The following CCDC102B variants were observed in gnomAD, a reference collection of about 807,000 sequenced individuals.
The protein encoded by CCDC102B is coiled-coil domain-containing protein 102B.
In CCDC102B, 75 loss-of-function variants were observed where a neutral mutation model predicts 57.4. The observed-to-expected ratio is 1.31, with a 90% CI of 1.08 to 1.58. The LOEUF (loss-of-function observed/expected upper bound fraction) is 1.58, where lower values mean the gene tolerates loss of function less well. Among genes scored for constraint, CCDC102B ranks in the 40% most tolerant of loss-of-function variants. The pLI, the probability that CCDC102B is intolerant of heterozygous loss-of-function variation, is 0.00. For synonymous variants in CCDC102B, 206 were observed against 201.9 expected, an observed-to-expected ratio of 1.02 and a Z score of -0.17; for missense variants, 636 against 582.6, an observed-to-expected ratio of 1.09 and a Z score of -0.94.
At chr18:69,009,924 ATTTTTTTTTT>A (rs770668683) in intron 6 of CCDC102B, among the ~76,000 whole-genome samples, 15 of 33,532 alleles carry the variant, frequency 4.5e-4, no homozygotes, top group South Asian at 3.0e-3. Context: ...TTTAATAAAG[ATTTTTTTTTT>A]TTTTTTTTTT....
chr18:68,730,029 T>A (rs1312620107), intron 2 of CCDC102B, among the ~76,000 whole-genome samples: 1 of 152,166 alleles, frequency 6.6e-6, no homozygotes, highest in Non-Finnish European at 1.5e-5. Flanking sequence ...AAATAAGACC[T>A]CATTGACGTA....
intron 2 of CCDC102B, among the ~76,000 whole-genome samples, chr18:68,787,993 G>A (rs1472659659): frequency 1.3e-5 from 2 of 150,746 alleles, no homozygotes; most frequent in Non-Finnish European, 3.0e-5. Flanking sequence ...TCTACACACT[G>A]CTTTGAATGC....
At chr18:68,933,733 T>C (rs2041755408) in intron 6 of CCDC102B, among the ~76,000 whole-genome samples, 1 of 151,960 alleles carries the variant, frequency 6.6e-6, no homozygotes, top group Admixed American at 6.6e-5. Flanking sequence ...CAGAAGTTTG[T>C]GTGTTGTGAG....
intron 4 of CCDC102B, among the ~76,000 whole-genome samples, chr18:68,857,281 TA>T (rs1322979528): frequency 0.07 from 752 of 10,746 alleles, 110 homozygotes; most frequent in African/African-American, 0.098. Context: ...ATATATAATA[TA>T]TATTTATATA....
chr18:68,863,634 C>T (rs1362967372), intron 4 of CCDC102B, among the ~76,000 whole-genome samples: 2 of 151,742 alleles, frequency 1.3e-5, no homozygotes, highest in Non-Finnish European at 3.0e-5. Flanking sequence ...ATTTACATTC[C>T]CCCCAACCCC....
intron 4 of CCDC102B, among the ~76,000 whole-genome samples, chr18:68,854,554 A>G (rs1156931200): frequency 2.0e-5 from 3 of 152,304 alleles, no homozygotes; most frequent in East Asian, 1.9e-4. Context: ...AAAATTCTGT[A>G]TGTTCTAAAA....
rs143238712 is a variant in CCDC102B, at chr18:68,914,920, A to G, written c.1263+17492A>G. ...ATAAAATCACAGTTTCCAAGAACCT[A>G]TGGATGACTTTAGGTGAGGACTTAC... On this transcript the variant is annotated intron_variant, in intron 6 of 7. Coordinates refer to ENST00000360242, the MANE Select transcript of CCDC102B (RefSeq NM_024781.3). Among the ~76,000 whole-genome samples, 553 of 152,078 alleles carry G rather than the reference A, an allele frequency of 3.6e-3. 5 individuals are homozygous for G. The highest frequency in any genetic ancestry group is 0.013 in the African/African-American group (530 of 41,458).
chr18:68,897,136 TA>T, intron 5 of CCDC102B, 82 bp from the exon 6 acceptor site: 4 of 1,008,606 alleles, frequency 4.0e-6, no homozygotes. Context: ...GAACTTTTCT[TA>T]ATGGGAGTCT....
chr18:69,004,428 A>G (rs979896817), intron 6 of CCDC102B, among the ~76,000 whole-genome samples: 1 of 152,090 alleles, frequency 6.6e-6, no homozygotes, highest in African/African-American at 2.4e-5. Flanking sequence ...TAAAATGATC[A>G]CCAGGAAGTT....
chr18:69,030,104 TTTGCTGTTATTCAAAA>T (rs1474567058), intron 7 of CCDC102B, among the ~76,000 whole-genome samples: 1 of 152,220 alleles, frequency 6.6e-6, no homozygotes, highest in Non-Finnish European at 1.5e-5. Flanking sequence ...CTCACACTTC[TTTGCTGTTATTCAAAA>T]TAGCCTAACA....
chr18:69,042,943 T>C (rs1222060598), intron 7 of CCDC102B, among the ~76,000 whole-genome samples: 2 of 151,964 alleles, frequency 1.3e-5, no homozygotes, highest in Non-Finnish European at 2.9e-5. Flanking sequence ...AGACAAAGTA[T>C]AGAGAAAGAA....
At chr18:68,871,480 G>T (rs1203567120) in intron 4 of CCDC102B, among the ~76,000 whole-genome samples, 2 of 152,096 alleles carry the variant, frequency 1.3e-5, no homozygotes, top group Non-Finnish European at 1.5e-5. Context: ...CAAAATTAAG[G>T]TTATTTTGAG....
chr18:68,740,103 G>A (rs905509436), intron 2 of CCDC102B, among the ~76,000 whole-genome samples: 3 of 152,098 alleles, frequency 2.0e-5, no homozygotes, highest in African/African-American at 4.8e-5. Context: ...ATGGAGAAGC[G>A]TCCTGTACAG....
At chr18:68,745,358 G>T (rs190733236) in intron 2 of CCDC102B, among the ~76,000 whole-genome samples, 2 of 152,112 alleles carry the variant, frequency 1.3e-5, no homozygotes, top group African/African-American at 2.4e-5. Flanking sequence ...ACTAGGAAGC[G>T]TATTCTCTCC....
chr18:68,827,423 A>C (rs1233623955), intron 1 of CCDC102B, among the ~76,000 whole-genome samples: 1 of 152,132 alleles, frequency 6.6e-6, no homozygotes, highest in Non-Finnish European at 1.5e-5. Context: ...TGAAGTGATG[A>C]AATGTTGATT....
chr18:68,817,936 A>T (rs145154917), intron 1 of CCDC102B, among the ~76,000 whole-genome samples: 1 of 152,228 alleles, frequency 6.6e-6, no homozygotes, highest in Admixed American at 6.5e-5. Context: ...GCATGAATCA[A>T]CTAGAATTTT....
chr18:68,800,681 T>C (rs2144682573), intron 1 of CCDC102B, among the ~76,000 whole-genome samples: 1 of 152,146 alleles, frequency 6.6e-6, no homozygotes, highest in East Asian at 1.9e-4. Context: ...CTGTTTCTTT[T>C]TGATACATGG....
chr18:68,945,122 C>CCACA (rs34611934), intron 6 of CCDC102B, among the ~76,000 whole-genome samples: 4,778 of 143,994 alleles, frequency 0.033, 119 homozygotes, highest in African/African-American at 0.07. Flanking sequence ...CTCTCTCTCT[C>CCACA]CACACACACA....
chr18:68,821,669 C>T (rs950613417), intron 1 of CCDC102B, among the ~76,000 whole-genome samples: 1 of 151,492 alleles, frequency 6.6e-6, no homozygotes, highest in Non-Finnish European at 1.5e-5. Flanking sequence ...TTCTTCCTTC[C>T]AATTGAAATA....
Sources: allele counts gnomAD v4.1 joint callset (sites outside exome capture counted in the v4.1 genomes callset), GRCh38; gene constraint gnomAD v4.1.1; transcripts MANE v1.5; gene names NCBI Gene and HGNC (gene_info 2026-07-23, HGNC 2026-07-21).